NRF1: variants seen among roughly 807,000 people sequenced by gnomAD.
The protein encoded by NRF1 is nuclear respiratory factor 1.
Under a neutral mutation model 58.5 loss-of-function variants are expected in NRF1, and 5 were observed. That is an observed-to-expected ratio of 0.09 (90% confidence interval 0.04 to 0.18). NRF1 has a LOEUF of 0.18. NRF1 is among the 10% of genes least tolerant of loss of function. NRF1 has a pLI of 1.00. For missense variants in NRF1, 288 were observed against 657.7 expected (o/e 0.44, Z 6.15); for synonymous variants, 224 against 246.7 (o/e 0.91, Z 0.86).
intron 4 of NRF1, among the ~76,000 whole-genome samples, chr7:129,682,655 A>G (rs1054600985): frequency 1.4e-5 from 2 of 145,792 alleles, no homozygotes; most frequent in Admixed American, 6.8e-5. Flanking sequence ...AAAAAAAAGG[A>G]TCTGGGTGTG....
chr7:129,656,943 G>A (rs1801671249), intron 1 of NRF1, among the ~76,000 whole-genome samples: 1 of 152,140 alleles, frequency 6.6e-6, no homozygotes, highest in African/African-American at 2.4e-5. Flanking sequence ...ACTCTCACTC[G>A]TCTTTGACAT....
intron 1 of NRF1, among the ~76,000 whole-genome samples, chr7:129,616,041 A>C (rs1455403548): frequency 6.7e-6 from 1 of 149,482 alleles, no homozygotes; most frequent in Non-Finnish European, 1.5e-5. Flanking sequence ...ATACCTTAGA[A>C]TATATATATA....
chr7:129,703,698 C>A lies in NRF1; in HGVS notation c.607-5377C>A, dbSNP rs577877556. On this transcript the variant is annotated intron_variant, in intron 5 of 10. Transcript: ENST00000393232. ...TTATAGTAGAAAATACCTTTTACTT[C>A]TTTTGGTATAGGGGCAAATTTTATA... 6.2e-4 allele frequency among the ~76,000 whole-genome samples: 94 copies of A among 152,148 alleles called. 1 individual carries two copies. The highest frequency in any genetic ancestry group is 9.7e-4 in the Non-Finnish European group (66 of 68,024).
At chr7:129,623,361 A>G (rs1175881442) in intron 1 of NRF1, among the ~76,000 whole-genome samples, 1 of 128,124 alleles carries the variant, frequency 7.8e-6, no homozygotes, top group African/African-American at 2.9e-5. Flanking sequence ...AGTATAATAC[A>G]GTAGTGTTAA....
chr7:129,616,646 C>T (rs563902353), intron 1 of NRF1, among the ~76,000 whole-genome samples: 1 of 152,302 alleles, frequency 6.6e-6, no homozygotes, highest in Admixed American at 6.5e-5. Flanking sequence ...TTTGTAATCT[C>T]TTGAGGCAAA....
intron 1 of NRF1, chr7:129,633,714 T>A (rs1017535606): frequency 3.9e-5 from 6 of 152,112 alleles, no homozygotes; most frequent in Non-Finnish European, 7.4e-5. Flanking sequence ...CTTCTCAGTC[T>A]TTTCCCACCA....
chr7:129,650,172 CT>C (rs547552443), intron 1 of NRF1, among the ~76,000 whole-genome samples: 1,965 of 141,134 alleles, frequency 0.014, 18 homozygotes, highest in African/African-American at 0.032. Flanking sequence ...TTTCTTTTTC[CT>C]TTTTTTTTTT....
intron 3 of NRF1, among the ~76,000 whole-genome samples, chr7:129,676,545 C>G (rs770968771): frequency 6.6e-6 from 1 of 152,206 alleles, no homozygotes; most frequent in Non-Finnish European, 1.5e-5. Context: ...AGAACACACA[C>G]AACATTTATC....
chr7:129,658,410 A>C (rs182238129), intron 2 of NRF1, among the ~76,000 whole-genome samples: 29 of 152,114 alleles, frequency 1.9e-4, no homozygotes, highest in Admixed American at 5.2e-4. Context: ...TGGGCAATGT[A>C]GTGCAATCCC....
chr7:129,756,839 T>A lies in NRF1; in HGVS notation c.*1658T>A, dbSNP rs1804272472. 1 of 152,628 alleles carries A rather than the reference T, an allele frequency of 6.6e-6. No individual in the cohort carries two copies. Among genetic ancestry groups the A allele is most frequent in the Non-Finnish European group, 1.5e-5 (1 of 68,042 alleles). 9.5% of individuals were successfully genotyped at this position (152,628 alleles called of 1,614,324 possible). On this transcript the variant is annotated 3_prime_UTR_variant, in exon 11 of 11. Transcript: ENST00000393232. Reference sequence around the variant, plus strand: ...GGGGGAGGGGAGGGAAATTTACATATAAATAGTCCTAGTTCTACAATTTGT... The same window carrying A: ...GGGGGAGGGGAGGGAAATTTACATAAAAATAGTCCTAGTTCTACAATTTGT...
intron 10 of NRF1, among the ~76,000 whole-genome samples, chr7:129,750,759 A>T (rs1239674933): frequency 6.6e-6 from 1 of 152,222 alleles, no homozygotes; most frequent in African/African-American, 2.4e-5. Context: ...GGAATCTTTC[A>T]AAAACAGCTT....
At chr7:129,677,923 A>G (rs1454508104) in intron 4 of NRF1, among the ~76,000 whole-genome samples, 165 bp downstream of exon 4, 2 of 144,716 alleles carry the variant, frequency 1.4e-5, no homozygotes, top group African/African-American at 5.0e-5. Flanking sequence ...TCAAAACAAA[A>G]TGATCATTAC....
Position 129,755,443 on chromosome 7 carries a change from G to A in NRF1, c.*262G>A, listed in dbSNP as rs1460594118. ...AATTGTGGCAGGACTTCTTTCTGCG[G>A]AAATGTGTGTGTATACTTATGTGTG... On this transcript the variant is annotated 3_prime_UTR_variant, in exon 11 of 11. Transcript: ENST00000393232. The surrounding 1 kb of genome is among the most constrained non-coding windows in gnomAD (Gnocchi z 5.8). The A allele has an allele frequency of 2.6e-6, 1 of 385,440 alleles. No homozygotes were observed. The highest frequency in any genetic ancestry group is 4.7e-6 in the Non-Finnish European group (1 of 211,370). The allele number at this position is 385,440 out of a possible 1,614,324, so 23.9% of individuals were successfully genotyped here. A position where few individuals can be genotyped will look rare whatever the true frequency, so the allele number is the denominator to read the frequency against.
At chr7:129,666,343 G>A (rs947301895) in intron 2 of NRF1, among the ~76,000 whole-genome samples, 1 of 152,020 alleles carries the variant, frequency 6.6e-6, no homozygotes, top group Non-Finnish European at 1.5e-5. Context: ...GCTATTATGT[G>A]TCTGTATGAT....
At chr7:129,624,703 G>A (rs1164835376) in intron 1 of NRF1, among the ~76,000 whole-genome samples, 4 of 152,082 alleles carry the variant, frequency 2.6e-5, no homozygotes, top group Non-Finnish European at 1.5e-5. Flanking sequence ...ATTTTTTGGA[G>A]ACAACGTCTC....
chr7:129,629,239 A>T (rs1395871289), intron 1 of NRF1, among the ~76,000 whole-genome samples: 1 of 151,840 alleles, frequency 6.6e-6, no homozygotes, highest in African/African-American at 2.4e-5. Flanking sequence ...GAAAAAAAGC[A>T]GCTAATTCAG....
intron 5 of NRF1, among the ~76,000 whole-genome samples, chr7:129,702,388 G>T (rs1371146839): frequency 6.6e-6 from 1 of 152,136 alleles, no homozygotes; most frequent in African/African-American, 2.4e-5. Flanking sequence ...AAGTTACGTT[G>T]ATCTTTTCTC....
At position 129,682,748 on chromosome 7, in the gene NRF1, A is replaced by G. The variant is rs1802349007; in HGVS notation, c.465+4990A>G. 2.0e-5 allele frequency among the ~76,000 whole-genome samples: 3 copies of G among 151,814 alleles called. No homozygotes were observed. In the South Asian group the frequency reaches 6.3e-4, roughly 32 times the overall value. ...GCCTAGGAGTTCAAGGATGCAGTGA[A>G]CTATGATTATTCCACTGTGCTCCAG... On this transcript the variant is annotated intron_variant, in intron 4 of 10. Transcript: ENST00000393232.
chr7:129,614,568 C>G (rs763928045), intron 1 of NRF1, among the ~76,000 whole-genome samples: 9 of 151,932 alleles, frequency 5.9e-5, no homozygotes, highest in African/African-American at 1.9e-4. Flanking sequence ...GCACCCACCT[C>G]AGCCTCCCCA....
Sources: gnomAD v4.1 joint callset for allele counts (sites outside exome capture counted in the v4.1 genomes callset) on GRCh38, gnomAD v4.1.1 for gene constraint, Gnocchi (gnomAD v3.1) non-coding constraint, MANE v1.5 for transcripts, NCBI Gene and HGNC (gene_info 2026-07-23, HGNC 2026-07-21) for gene names.